Variants in XRN2 observed in about 807,000 individuals in gnomAD.
XRN2 encodes the protein DHM1-like protein.
In XRN2, 44 loss-of-function variants were observed where a neutral mutation model predicts 138.5. The ratio of observed to expected loss-of-function variants is 0.32; its 90% CI spans 0.25 to 0.41. The LOEUF (loss-of-function observed/expected upper bound fraction) is 0.41, where lower values mean the gene tolerates loss of function less well. Ranked by LOEUF, XRN2 falls within the 10% of genes least tolerant of loss-of-function variation. XRN2 has a pLI of 1.00. For missense variants in XRN2, 937 were observed against 1,169.3 expected (o/e 0.80, Z 2.90); for synonymous variants, 354 against 369.4 (o/e 0.96, Z 0.48).
rs1600720242 is a variant in XRN2, at chr20:21,380,101, A to G, written c.2585-1893A>G. Among the ~76,000 whole-genome samples the G allele has an allele frequency of 3.3e-5, 5 of 152,310 alleles. 1 individual carries two copies. The highest frequency in any genetic ancestry group is 3.3e-4 in the Admixed American group (5 of 15,300). ...ACCAGGCAAGCACAATATGGAATTA[A>G]GTCCTAATGGTAAAAAGGGGTATGT... On this transcript the variant is annotated intron_variant, in intron 27 of 29. Transcript: ENST00000377191.
chr20:21,317,764 C>T (rs1426541575), intron 1 of XRN2, among the ~76,000 whole-genome samples: 2 of 152,182 alleles, frequency 1.3e-5, no homozygotes, highest in African/African-American at 4.8e-5. Flanking sequence ...AGTACCAACG[C>T]AACTGTCCAT....
rs2038128424 is a variant in XRN2, at chr20:21,326,350, T to C, written c.147T>C (p.Asp49=). The change falls in exon 2 of 30, where the codon GAT becomes GAC. Residue 49 remains aspartate, a synonymous_variant. Coordinates refer to ENST00000377191, the MANE Select transcript of XRN2 (RefSeq NM_012255.5). ...CTAATCCAAATGATGTGGAGTTTGA[T>C]AATCTGTATTTGGATATGAATGGAA... ...SKPNPNDVEF[D]NLYLDMNGII... 6.2e-7 allele frequency: 1 copy of C among 1,613,918 alleles called. No individual in the cohort carries two copies. Among genetic ancestry groups the C allele is most frequent in the African/African-American group, 1.3e-5 (1 of 75,050 alleles).
chr20:21,385,057 A>C (rs906519687), intron 28 of XRN2, among the ~76,000 whole-genome samples: 1 of 152,214 alleles, frequency 6.6e-6, no homozygotes, highest in Admixed American at 6.5e-5. Context: ...TGTCAAAAAC[A>C]TTATAAGTAA....
Position 21,344,081 on chromosome 20 carries a change from T to A in XRN2, c.1411-9T>A. 1 of 1,584,110 alleles carries A rather than the reference T, an allele frequency of 6.3e-7. No individual in the cohort carries two copies. ...AATCCTTCTTCTGTAATGTCATCATTGTCTGCAGAGTCCTTCGATATCTCC... is the reference window on the plus strand; with the variant it reads ...AATCCTTCTTCTGTAATGTCATCATAGTCTGCAGAGTCCTTCGATATCTCC... On this transcript the variant is annotated splice_polypyrimidine_tract_variant and intron_variant, in intron 15 of 29. Transcript: ENST00000377191.
chr20:21,355,451 G>C (rs1250478415), intron 21 of XRN2, among the ~76,000 whole-genome samples: 1 of 152,072 alleles, frequency 6.6e-6, no homozygotes, highest in African/African-American at 2.4e-5. Context: ...CAAAAAGATT[G>C]TCTTTTAGAA....
intron 9 of XRN2, 143 bp from the exon 10 acceptor site, chr20:21,333,401 A>G (rs906814266): frequency 2.4e-6 from 2 of 839,774 alleles, no homozygotes; most frequent in Non-Finnish European, 3.8e-6. Flanking sequence ...TTTATTTTAA[A>G]ATGCATTGGT....
At chr20:21,371,247 A>G (rs962326955) in intron 27 of XRN2, among the ~76,000 whole-genome samples, 2 of 152,206 alleles carry the variant, frequency 1.3e-5, no homozygotes, top group Non-Finnish European at 2.9e-5. Context: ...TGGATGTAGT[A>G]CCCAAGAAGA....
At chr20:21,360,117 A>C (rs1052427963) in intron 24 of XRN2, among the ~76,000 whole-genome samples, 5 of 152,098 alleles carry the variant, frequency 3.3e-5, no homozygotes, top group African/African-American at 1.2e-4. Context: ...AATTCCACAA[A>C]TTATTCAACA....
At chr20:21,375,370 T>G (rs537499322) in intron 27 of XRN2, among the ~76,000 whole-genome samples, 3 of 152,094 alleles carry the variant, frequency 2.0e-5, no homozygotes, top group Admixed American at 1.3e-4. Context: ...ATTGGCATTC[T>G]TTTTCCAAGT....
chr20:21,303,558 C>T, intron 1 of XRN2, 85 bp downstream of exon 1: 3 of 1,423,942 alleles, frequency 2.1e-6, no homozygotes, highest in Non-Finnish European at 2.7e-6. Context: ...GCCGCCTGCC[C>T]CCGGGGAGCC....
intron 17 of XRN2, among the ~76,000 whole-genome samples, chr20:21,347,387 A>G (rs2038449725): frequency 1.3e-5 from 2 of 152,222 alleles, no homozygotes; most frequent in African/African-American, 4.8e-5. Flanking sequence ...GGACTGTAAC[A>G]CTGATAGTTA....
chr20:21,349,291 T>C (rs2038477327), intron 19 of XRN2, 98 bp from the exon 20 acceptor site: 2 of 832,458 alleles, frequency 2.4e-6, no homozygotes, highest in African/African-American at 1.7e-5. Context: ...CTTTATTTTC[T>C]CATCAGACCT....
intron 27 of XRN2, among the ~76,000 whole-genome samples, chr20:21,375,834 T>C (rs1462332412): frequency 6.7e-6 from 1 of 150,014 alleles, no homozygotes; most frequent in Non-Finnish European, 1.5e-5. Flanking sequence ...TTATTTTTTA[T>C]TTATTTATTT....
rs561241826 is a variant in XRN2 at position 21,309,259 on chromosome 20, T to C, written c.75+5786T>C. Among the ~76,000 whole-genome samples the C allele has an allele frequency of 3.9e-4, 59 of 152,332 alleles. 1 individual carries two copies. Among genetic ancestry groups the C allele is most frequent in the Admixed American group, 6.5e-4 (10 of 15,292 alleles). The stretch of plus-strand genomic sequence containing the variant: ...TTTCTTCCTAAAATGTTTGATAGAA[T>C]TTACCAGTGAGGCCATCTGGACTTG... On this transcript the variant is annotated intron_variant, in intron 1 of 29. Transcript: ENST00000377191.
At chr20:21,347,787 T>C (rs1302754916) in intron 17 of XRN2, among the ~76,000 whole-genome samples, 1 of 152,220 alleles carries the variant, frequency 6.6e-6, no homozygotes, top group Non-Finnish European at 1.5e-5. Context: ...GTGACTGCTT[T>C]TGGTTTTACT....
chr20:21,368,197 T>C (rs940290579), intron 26 of XRN2, among the ~76,000 whole-genome samples: 17 of 152,140 alleles, frequency 1.1e-4, no homozygotes, highest in African/African-American at 4.1e-4. Context: ...AAGAAAAATA[T>C]GCAAATTATT....
chr20:21,348,531 G>A, intron 19 of XRN2, 101 bp downstream of exon 19: 1 of 1,049,854 alleles, frequency 9.5e-7, no homozygotes, highest in Non-Finnish European at 1.4e-6. Flanking sequence ...AAACAGTGAA[G>A]TACAGAAACA....
intron 21 of XRN2, 55 bp from the exon 22 acceptor site, chr20:21,356,025 G>T: frequency 2.2e-6 from 3 of 1,356,392 alleles, no homozygotes; most frequent in East Asian, 2.4e-5. Flanking sequence ...ATAAAAATTG[G>T]TCTTGCAGGT....
intron 24 of XRN2, among the ~76,000 whole-genome samples, chr20:21,359,154 G>GGAT (rs1286826084): frequency 6.6e-6 from 1 of 152,150 alleles, no homozygotes; most frequent in Non-Finnish European, 1.5e-5. Context: ...TTTTTTGTTT[G>GGAT]GATGATGATG....
Sources: gnomAD v4.1 joint callset for allele counts (sites outside exome capture counted in the v4.1 genomes callset) on GRCh38, gnomAD v4.1.1 for gene constraint, MANE v1.5 for transcripts, NCBI Gene and HGNC (gene_info 2026-07-23, HGNC 2026-07-21) for gene names.